Variants in CACNA1I observed in about 807,000 individuals in gnomAD.
CACNA1I encodes calcium voltage-gated channel subunit alpha1 I.
CACNA1I carries 74 observed loss-of-function variants against 201.6 expected under a neutral mutation model. The observed-to-expected ratio is 0.37, with a 90% CI of 0.30 to 0.45. CACNA1I has a LOEUF of 0.45. Ranked by LOEUF, CACNA1I falls within the 20% of genes least tolerant of loss-of-function variation. The pLI is 1.00. For synonymous variants in CACNA1I, 1,431 were observed against 1,345.2 expected (o/e 1.06, Z -1.40); for missense variants, 2,346 against 3,138.1 (o/e 0.75, Z 6.03).
chr22:39,678,782 C>T (rs1256631224), intron 31 of CACNA1I, among the ~76,000 whole-genome samples: 1 of 152,174 alleles, frequency 6.6e-6, no homozygotes, highest in Non-Finnish European at 1.5e-5. Context: ...CCCTACTCCC[C>T]AGGGGCCCCT....
intron 17 of CACNA1I, 122 bp from the exon 18 acceptor site, chr22:39,662,653 GC>G: frequency 6.6e-6 from 5 of 758,908 alleles, no homozygotes; most frequent in African/African-American, 1.7e-5. Flanking sequence ...CTCCCTGGCT[GC>G]CCCCGGGGGG....
At chr22:39,597,210 T>C (rs572594825) in intron 1 of CACNA1I, among the ~76,000 whole-genome samples, 69 of 152,258 alleles carry the variant, frequency 4.5e-4, no homozygotes, top group African/African-American at 1.6e-3. Context: ...GGCTTCGGAT[T>C]TCTTACTGGT....
chr22:39,614,824 C>A (rs189908795), intron 3 of CACNA1I, among the ~76,000 whole-genome samples: 73 of 152,328 alleles, frequency 4.8e-4, no homozygotes, highest in Non-Finnish European at 3.5e-4. Flanking sequence ...CACACGGGAG[C>A]CCCTCTCCCC....
chr22:39,663,753 A>G lies in CACNA1I; in HGVS notation c.3509A>G (p.Lys1170Arg). 1.2e-6 allele frequency: 2 copies of G among 1,613,720 alleles called. No homozygotes were observed. The highest frequency in any genetic ancestry group is 1.7e-6 in the Non-Finnish European group (2 of 1,179,734). The change falls in exon 19 of 37, where the codon AAA becomes AGA. Residue 1170 changes from lysine to arginine, a missense_variant. Around this residue, in one of 13 missense-constraint regions of CACNA1I, gnomAD observed 158 missense variants for 231.6 expected, o/e 0.68. Coordinates refer to ENST00000402142, the MANE Select transcript of CACNA1I (RefSeq NM_021096.4). ...RVLCQTIIAH[K>R]LFDYVVLAFI... Reference sequence around the variant, plus strand: ...CTGTGTCAGACCATTATTGCCCACAAACTCTTCGACTACGTCGTCCTGGCC... The same window carrying G: ...CTGTGTCAGACCATTATTGCCCACAGACTCTTCGACTACGTCGTCCTGGCC...
At chr22:39,640,745 G>A (rs1934331197) in intron 5 of CACNA1I, 122 bp from the exon 6 acceptor site, 2 of 785,184 alleles carry the variant, frequency 2.5e-6, no homozygotes, top group Non-Finnish European at 4.1e-6. Flanking sequence ...GGAACAGCAT[G>A]TGCCAAGGCC....
chr22:39,577,354 C>T (rs938044055), intron 1 of CACNA1I, among the ~76,000 whole-genome samples: 3 of 152,202 alleles, frequency 2.0e-5, no homozygotes, highest in South Asian at 2.1e-4. Flanking sequence ...TGCTTCTAAG[C>T]GGCCATCTGG....
chr22:39,673,021 T>G lies in CACNA1I; in HGVS notation c.4722T>G (p.Asn1574Lys). The G allele has an allele frequency of 6.2e-7, 1 of 1,613,700 alleles. No individual in the cohort carries two copies. The highest frequency in any genetic ancestry group is 8.5e-7 in the Non-Finnish European group (1 of 1,179,800). ...TCACCCTGGAGGAGATCGAGATCAA[T>G]GCGGCCCTGCCCATCAATCCCACCA... ...MGITLEEIEI[N>K]AALPINPTII... Residue 1574 changes from asparagine to lysine, a missense_variant, in exon 28 of 37, where the codon AAT becomes AAG. This residue lies in a region of CACNA1I where 228 missense variants were observed against 395.7 expected (regional missense o/e 0.58). Coordinates refer to ENST00000402142, the MANE Select transcript of CACNA1I (RefSeq NM_021096.4).
chr22:39,661,373 G>C, intron 16 of CACNA1I, 63 bp downstream of exon 16: 1 of 1,260,838 alleles, frequency 7.9e-7, no homozygotes. Context: ...GAGGGGCCCT[G>C]AAGAGAGGTA....
intron 1 of CACNA1I, among the ~76,000 whole-genome samples, chr22:39,587,315 A>C (rs992099111): frequency 2.6e-5 from 4 of 152,232 alleles, no homozygotes; most frequent in Non-Finnish European, 4.4e-5. Context: ...GAGATGGCAT[A>C]GCTTATAAGC....
chr22:39,667,834 C>G lies in CACNA1I; in HGVS notation c.4105-458C>G, dbSNP rs777387664. Among the ~76,000 whole-genome samples the G allele has an allele frequency of 5.3e-5, 8 of 152,320 alleles. No homozygotes were observed. The South Asian group carries it at 1.2e-3, about 24-fold the overall frequency. ...GGGCTCTGACCCAGGGCTCCTGACTCCTCTCACGAGCTCCTGTTTTCAGAT... is the reference window on the plus strand; with the variant it reads ...GGGCTCTGACCCAGGGCTCCTGACTGCTCTCACGAGCTCCTGTTTTCAGAT... On this transcript the variant is annotated intron_variant, in intron 23 of 36. Coordinates refer to ENST00000402142, the MANE Select transcript of CACNA1I (RefSeq NM_021096.4).
chr22:39,584,514 G>A (rs1297425358), intron 1 of CACNA1I, among the ~76,000 whole-genome samples: 2 of 152,194 alleles, frequency 1.3e-5, no homozygotes, highest in African/African-American at 2.4e-5. Flanking sequence ...TAGTCATTTA[G>A]GCTGTGGAAG....
chr22:39,634,454 CT>C, intron 4 of CACNA1I, 110 bp from the exon 5 acceptor site: 1 of 1,021,824 alleles, frequency 9.8e-7, no homozygotes. Context: ...CAAGGAGCCC[CT>C]GATAATGCAT....
intron 6 of CACNA1I, among the ~76,000 whole-genome samples, chr22:39,642,394 C>A (rs1320043236): frequency 6.6e-6 from 1 of 152,104 alleles, no homozygotes; most frequent in East Asian, 1.9e-4. Context: ...TCCCAGGCTC[C>A]ACCGAGCTGC....
In CACNA1I at chr22:39,625,718, G is replaced by A. The variant is rs116085929; in HGVS notation, c.580+6311G>A. Among the ~76,000 whole-genome samples, 1,146 of 152,146 alleles carry A rather than the reference G, an allele frequency of 7.5e-3. 19 individuals are homozygous for A. Among genetic ancestry groups the A allele is most frequent in the African/African-American group, 0.027 (1,111 of 41,474 alleles). On this transcript the variant is annotated intron_variant, in intron 4 of 36. Coordinates refer to ENST00000402142, the MANE Select transcript of CACNA1I (RefSeq NM_021096.4). ...GTGGTTGGGGAGGGAGGAAGGAAGC[G>A]CCAAATTAGGAGTTGGGAGTCTGGG...
At position 39,685,450 on chromosome 22, in the gene CACNA1I, C is replaced by T. The variant is rs1275609657; in HGVS notation, c.6028-311C>T. On this transcript the variant is annotated intron_variant, in intron 36 of 36. Coordinates refer to ENST00000402142, the MANE Select transcript of CACNA1I (RefSeq NM_021096.4). This position sits in a 1 kb window ranked among gnomAD's most constrained non-coding sequence, Gnocchi z 5.0. ...CATGGGGGGTGCGGTGGGGGTGCCA[C>T]GTGCCCTGGGGGAGGGCGGTGGGCC... Among the ~76,000 whole-genome samples the T allele has an allele frequency of 8.6e-6, 1 of 116,160 alleles. No individual in the cohort carries two copies. Among genetic ancestry groups the T allele is most frequent in the Non-Finnish European group, 1.7e-5 (1 of 57,632 alleles). 76.2% of individuals were successfully genotyped at this position (116,160 alleles called of 152,430 possible). A position where few individuals can be genotyped will look rare whatever the true frequency, so the allele number is the denominator to read the frequency against.
chr22:39,663,601 T>TCATTAAAA, intron 18 of CACNA1I, 117 bp from the exon 19 acceptor site: 2 of 1,201,366 alleles, frequency 1.7e-6, no homozygotes, highest in Non-Finnish European at 2.3e-6. Flanking sequence ...GAGGAGAGGA[T>TCATTAAAA]AGGGGTTGCT....
At chr22:39,621,973 C>G (rs1025167398) in intron 4 of CACNA1I, among the ~76,000 whole-genome samples, 1 of 152,194 alleles carries the variant, frequency 6.6e-6, no homozygotes. Flanking sequence ...AATGAGGAAA[C>G]TAAGGTCCAG....
At chr22:39,609,330 T>G (rs1301307656) in intron 3 of CACNA1I, among the ~76,000 whole-genome samples, 1 of 152,224 alleles carries the variant, frequency 6.6e-6, no homozygotes, top group African/African-American at 2.4e-5. Context: ...GACTGCTGGG[T>G]GTATTTGTCA....
rs778575200 is a variant in CACNA1I at position 39,684,384 on chromosome 22, C to A, written c.5913C>A (p.Ala1971=). The stretch of plus-strand genomic sequence containing the variant: ...AGTTCTTCCACCCTGCAGTGTCTGC[C>A]AGCCAGAAAGGCCCAGAAAAGGGCA... ...PAEFFHPAVS[A]SQKGPEKGTG... The change falls in exon 36 of 37, where the codon GCC becomes GCA. Residue 1971 remains alanine (A), a synonymous_variant. Transcript: ENST00000402142. This position sits in a 1 kb window ranked among gnomAD's most constrained non-coding sequence, Gnocchi z 4.6. 1.1e-5 allele frequency: 18 copies of A among 1,613,514 alleles called. No individual in the cohort carries two copies. In the South Asian group the frequency reaches 2.0e-4, roughly 18 times the overall value.
Sources: allele counts gnomAD v4.1 joint callset (sites outside exome capture counted in the v4.1 genomes callset), GRCh38; gene constraint gnomAD v4.1.1; regional missense constraint gnomAD v4.1.1; non-coding constraint Gnocchi (gnomAD v3.1); transcripts MANE v1.5; gene names NCBI Gene and HGNC (gene_info 2026-07-23, HGNC 2026-07-21).